The following EPRS1 variants were observed in gnomAD, a reference collection of about 807,000 sequenced individuals.
EPRS1 encodes bifunctional glutamate/proline--tRNA ligase.
EPRS1 carries 107 observed loss-of-function variants against 188.3 expected under a neutral mutation model. The ratio of observed to expected loss-of-function variants is 0.57; its 90% CI spans 0.49 to 0.67. EPRS1 has a LOEUF of 0.67. Ranked by LOEUF, EPRS1 falls within the 30% of genes least tolerant of loss-of-function variation. The pLI is 0.00. For synonymous variants in EPRS1, 596 were observed against 593.1 expected (o/e 1.00, Z -0.07); for missense variants, 1,577 against 1,802.2 (o/e 0.88, Z 2.26).
At chr1:220,026,224 A>C (rs1247778897) in intron 6 of EPRS1, among the ~76,000 whole-genome samples, 1 of 152,194 alleles carries the variant, frequency 6.6e-6, no homozygotes, top group East Asian at 1.9e-4. Flanking sequence ...ATAATCCCAA[A>C]GGTCTCATCA....
chr1:220,021,026 C>T (rs543266792), intron 9 of EPRS1, among the ~76,000 whole-genome samples: 7 of 151,342 alleles, frequency 4.6e-5, no homozygotes, highest in East Asian at 2.0e-4. Flanking sequence ...TACAGGCATG[C>T]GCCACCATGC....
In EPRS1 at chr1:220,018,363, C is replaced by G. The variant is rs920509566; in HGVS notation, c.1494+86G>C. ...GTTAATATTCTTCACAAACTTTTCT[C>G]TACCATGAGCACAGTAATGACTTCT... On this transcript the variant is annotated intron_variant, in intron 12 of 31. Transcript: ENST00000366923. The G allele has an allele frequency of 8.0e-6, 9 of 1,129,042 alleles. No homozygotes were observed. In the African/African-American group the frequency reaches 1.4e-4, roughly 18 times the overall value. 69.9% of individuals were successfully genotyped at this position (1,129,042 alleles called of 1,614,324 possible). A position where few individuals can be genotyped will look rare whatever the true frequency, so the allele number is the denominator to read the frequency against.
intron 19 of EPRS1, among the ~76,000 whole-genome samples, chr1:219,987,658 A>C (rs1459615640): frequency 6.8e-6 from 1 of 146,224 alleles, no homozygotes; most frequent in Non-Finnish European, 1.5e-5. Context: ...AATTAAAGAC[A>C]GGGGTTTGGG....
Position 220,046,470 on chromosome 1 carries a change from CA to C in EPRS1, c.-83del. Reference sequence around the variant, plus strand: ...AGGACCCCGCGAAAGGAAGAAGATGCAACGTGTGCGCGTACCCGACGCCGCC... The same window carrying C: ...AGGACCCCGCGAAAGGAAGAAGATGCACGTGTGCGCGTACCCGACGCCGCC... On this transcript the variant is annotated 5_prime_UTR_variant, in exon 1 of 32. Coordinates refer to ENST00000366923, the MANE Select transcript of EPRS1 (RefSeq NM_004446.3). The C allele has an allele frequency of 6.3e-7, 1 of 1,577,370 alleles. No homozygotes were observed. The highest frequency in any genetic ancestry group is 8.6e-7 in the Non-Finnish European group (1 of 1,163,136).
At chr1:220,040,344 G>A in intron 1 of EPRS1, 75 bp from the exon 2 acceptor site, 1 of 1,003,258 alleles carries the variant, frequency 1.0e-6, no homozygotes, top group Non-Finnish European at 1.5e-6. Context: ...AAAGCAATCA[G>A]GATGAGTCAA....
chr1:220,032,933 T>C (rs1293352503), intron 4 of EPRS1, among the ~76,000 whole-genome samples: 2 of 152,196 alleles, frequency 1.3e-5, no homozygotes, highest in African/African-American at 4.8e-5. Context: ...TATCAAAATA[T>C]ACATTTTTAA....
chr1:220,033,803 G>T, intron 3 of EPRS1, 145 bp from the exon 4 acceptor site: 1 of 588,398 alleles, frequency 1.7e-6, no homozygotes, highest in East Asian at 3.0e-5. Context: ...TTATCATTAT[G>T]TGGACTAAAT....
At chr1:220,035,599 C>T (rs1019448992) in intron 2 of EPRS1, among the ~76,000 whole-genome samples, 5 of 152,162 alleles carry the variant, frequency 3.3e-5, no homozygotes, top group Non-Finnish European at 7.4e-5. Flanking sequence ...GAGGCCAAGA[C>T]GGGCAGATCA....
chr1:219,978,804 C>T, intron 27 of EPRS1, 85 bp from the exon 28 acceptor site: 1 of 946,984 alleles, frequency 1.1e-6, no homozygotes, highest in Non-Finnish European at 1.6e-6. Flanking sequence ...CTACCAGTGG[C>T]TATATTATTA....
chr1:220,046,019 G>A (rs1031084745), intron 1 of EPRS1, among the ~76,000 whole-genome samples: 1 of 152,140 alleles, frequency 6.6e-6, no homozygotes, highest in Non-Finnish European at 1.5e-5. Flanking sequence ...CTCGCTCTCC[G>A]GGGGAAAAAG....
chr1:220,031,255 A>G (rs1175737777), intron 5 of EPRS1, among the ~76,000 whole-genome samples: 1 of 152,180 alleles, frequency 6.6e-6, no homozygotes, highest in Non-Finnish European at 1.5e-5. Flanking sequence ...AAAAACACAG[A>G]GGACCTTTTA....
intron 11 of EPRS1, 91 bp downstream of exon 11, chr1:220,018,904 A>G: frequency 1.2e-6 from 1 of 854,050 alleles, no homozygotes; most frequent in Non-Finnish European, 1.9e-6. Flanking sequence ...AAGGAATAGA[A>G]AGAACAACAG....
chr1:219,983,118 T>C, intron 22 of EPRS1, 71 bp downstream of exon 22: 1 of 1,314,878 alleles, frequency 7.6e-7, no homozygotes, highest in African/African-American at 1.5e-5. Context: ...AAATTGGTTG[T>C]TAAAAGTTGA....
chr1:219,982,586 A>G (rs969261117), intron 23 of EPRS1, 186 bp downstream of exon 23: 5 of 460,208 alleles, frequency 1.1e-5, no homozygotes, highest in Non-Finnish European at 2.0e-5. Flanking sequence ...AAGGAGCTCT[A>G]CAATGAATAT....
At chr1:219,980,036 ATGGAC>A in intron 26 of EPRS1, 44 bp downstream of exon 26, 1 of 1,540,518 alleles carries the variant, frequency 6.5e-7, no homozygotes, top group Non-Finnish European at 8.9e-7. Context: ...GGATCTGTCC[ATGGAC>A]TGTGCTTACA....
At chr1:220,046,278 C>A in intron 1 of EPRS1, 65 bp downstream of exon 1, 14 of 1,597,686 alleles carry the variant, frequency 8.8e-6, no homozygotes, top group Non-Finnish European at 1.1e-5. Context: ...GCGCAGCGAC[C>A]TTCCACGCCC....
chr1:220,001,019 C>A, intron 17 of EPRS1, 119 bp downstream of exon 17: 1 of 701,118 alleles, frequency 1.4e-6, no homozygotes, highest in Non-Finnish European at 2.6e-6. Context: ...AAGAGCAAGA[C>A]TTAACTGTCT....
intron 17 of EPRS1, among the ~76,000 whole-genome samples, chr1:220,000,164 C>T (rs904186494): frequency 7.9e-5 from 12 of 152,168 alleles, no homozygotes; most frequent in Non-Finnish European, 1.6e-4. Flanking sequence ...TTCAAGAACA[C>T]ATACTAACTT....
intron 12 of EPRS1, 26 bp from the exon 13 acceptor site, chr1:220,011,082 A>G (rs191460111): frequency 1.6e-5 from 20 of 1,268,966 alleles, no homozygotes; most frequent in Non-Finnish European, 2.3e-5. Flanking sequence ...CCTCATGTTA[A>G]AACACTGCGA....
Sources: allele counts gnomAD v4.1 joint callset (sites outside exome capture counted in the v4.1 genomes callset), GRCh38; gene constraint gnomAD v4.1.1; transcripts MANE v1.5; gene names NCBI Gene and HGNC (gene_info 2026-07-23, HGNC 2026-07-21).